The following DOCK2 variants were observed in gnomAD, a reference collection of about 807,000 sequenced individuals.
DOCK2 encodes dedicator of cytokinesis protein 2.
DOCK2 carries 87 observed loss-of-function variants against 248.9 expected under a neutral mutation model. That is an observed-to-expected ratio of 0.35 (90% CI 0.29 to 0.42). The LOEUF (loss-of-function observed/expected upper bound fraction) is 0.42, where lower values mean the gene tolerates loss of function less well. Among genes scored for constraint, DOCK2 ranks in the 10% least tolerant of loss-of-function variants. DOCK2 has a pLI of 1.00. For missense variants in DOCK2, 1,747 were observed against 2,300.2 expected, an observed-to-expected ratio of 0.76 and a Z score of 4.92; for synonymous variants, 805 against 821.6, an observed-to-expected ratio of 0.98 and a Z score of 0.35.
intron 27 of DOCK2, among the ~76,000 whole-genome samples, chr5:169,904,237 A>T (rs1211782932): frequency 6.6e-6 from 1 of 152,192 alleles, no homozygotes; most frequent in Non-Finnish European, 1.5e-5. Context: ...CCCAAGAGAC[A>T]GTACTGCTTG....
intron 27 of DOCK2, chr5:169,884,056 A>T (rs1028677420): frequency 8.8e-6 from 5 of 569,006 alleles, no homozygotes; most frequent in African/African-American, 7.4e-5. Context: ...CCTGTTGGCC[A>T]TTCCCAGCCT....
chr5:169,881,287 G>T lies in DOCK2; in HGVS notation c.2799+40435G>T. 4 of 1,168,878 alleles carry T rather than the reference G, an allele frequency of 3.4e-6. No individual in the cohort carries two copies. The South Asian group carries it at 4.1e-5, about 12-fold the overall frequency. The allele number at this position is 1,168,878 out of a possible 1,614,324, so 72.4% of individuals were successfully genotyped here. On this transcript the variant is annotated intron_variant, in intron 27 of 51. Transcript: ENST00000520908. ...TTGTTTTTGCCTCTCTTGACTTTTTGCATTTAAAAGTTTGCTAGAGTGTTC... is the reference window on the plus strand; with the variant it reads ...TTGTTTTTGCCTCTCTTGACTTTTTTCATTTAAAAGTTTGCTAGAGTGTTC...
chr5:169,741,254 G>A (rs1453680255), intron 22 of DOCK2, among the ~76,000 whole-genome samples: 3 of 152,162 alleles, frequency 2.0e-5, no homozygotes, highest in Admixed American at 6.5e-5. Flanking sequence ...TTACAGGGAA[G>A]GGATGAATTA....
chr5:169,832,722 G>T (rs956407196), intron 26 of DOCK2, among the ~76,000 whole-genome samples: 1 of 152,166 alleles, frequency 6.6e-6, no homozygotes, highest in Admixed American at 6.5e-5. Flanking sequence ...TTCTTTCTAG[G>T]TGTTTGTGGT....
At chr5:169,892,652 G>T (rs761316950) in intron 27 of DOCK2, among the ~76,000 whole-genome samples, 1 of 152,058 alleles carries the variant, frequency 6.6e-6, no homozygotes, top group Non-Finnish European at 1.5e-5. Flanking sequence ...AGACACCCAG[G>T]GAGATATGAC....
rs1191132392 is a variant in DOCK2, at chr5:169,752,581, A to AT, written c.2376+5079dup. On this transcript the variant is annotated intron_variant, in intron 23 of 51. Coordinates refer to ENST00000520908, the MANE Select transcript of DOCK2 (RefSeq NM_004946.3). The stretch of plus-strand genomic sequence containing the variant: ...TAGTGAGACCCTGTCTCGACAAAAA[A>AT]TTAAAAAAAAAAAAATTAGCTAGGC... 3.0e-5 allele frequency among the ~76,000 whole-genome samples: 4 copies of AT among 133,862 alleles called. No individual in the cohort carries two copies. The Admixed American group carries it at 3.1e-4, about 10-fold the overall frequency. 87.8% of individuals were successfully genotyped at this position (133,862 alleles called of 152,430 possible). A position where few individuals can be genotyped will look rare whatever the true frequency, so the allele number is the denominator to read the frequency against.
chr5:170,033,726 AG>A (rs1330889450), intron 34 of DOCK2, among the ~76,000 whole-genome samples: 2 of 152,228 alleles, frequency 1.3e-5, no homozygotes, highest in Non-Finnish European at 2.9e-5. Flanking sequence ...CATTTGCATG[AG>A]GTTTAGAATA....
rs6869584 is a variant in DOCK2 at position 169,764,822 on chromosome 5, C to T, written c.2554+3197C>T. On this transcript the variant is annotated intron_variant, in intron 25 of 51. Coordinates refer to ENST00000520908, the MANE Select transcript of DOCK2 (RefSeq NM_004946.3). This position sits in a 1 kb window ranked among gnomAD's most constrained non-coding sequence, Gnocchi z 4.3. ...AAAAGGGCCTTGGTTGGTACATGCT[C>T]TCCATTCTGACTTTGAACGTGTTTG... Among the ~76,000 whole-genome samples, 3,466 of 151,152 alleles carry T rather than the reference C, an allele frequency of 0.023. 150 individuals are homozygous for T. The highest frequency in any genetic ancestry group is 0.081 in the African/African-American group (3,317 of 40,724).
At chr5:169,955,373 A>G (rs533807887) in intron 27 of DOCK2, among the ~76,000 whole-genome samples, 2 of 152,232 alleles carry the variant, frequency 1.3e-5, no homozygotes, top group East Asian at 1.9e-4. Flanking sequence ...GGCATATTCA[A>G]TAAGTGTTAA....
At chr5:169,867,173 G>A (rs1310649827) in intron 27 of DOCK2, among the ~76,000 whole-genome samples, 1 of 152,244 alleles carries the variant, frequency 6.6e-6, no homozygotes, top group African/African-American at 2.4e-5. Context: ...TTCAGCCCCT[G>A]TGTAGCACTC....
At chr5:170,067,058 C>T (rs556359908) in intron 44 of DOCK2, among the ~76,000 whole-genome samples, 2 of 152,172 alleles carry the variant, frequency 1.3e-5, no homozygotes, top group Non-Finnish European at 2.9e-5. Context: ...TAAAGTGAAT[C>T]TACCTTGGAA....
chr5:169,758,205 G>A (rs537265379), intron 23 of DOCK2, among the ~76,000 whole-genome samples: 1 of 152,322 alleles, frequency 6.6e-6, no homozygotes, highest in African/African-American at 2.4e-5. Flanking sequence ...CTATGAGAAG[G>A]CAGGATGCCA....
rs1764594365 is a variant in DOCK2 at position 169,763,399 on chromosome 5, G to C, written c.2554+1774G>C. Among the ~76,000 whole-genome samples the C allele has an allele frequency of 6.6e-6, 1 of 152,246 alleles. No homozygotes were observed. The highest frequency in any genetic ancestry group is 2.1e-4 in the South Asian group (1 of 4,834). On this transcript the variant is annotated intron_variant, in intron 25 of 51. Transcript: ENST00000520908. This position sits in a 1 kb window ranked among gnomAD's most constrained non-coding sequence, Gnocchi z 4.1. ...ACGACTCTAGCTACGCATATGGTGT[G>C]GCACAGGCAGCAGGGAGTGGGCTGC...
intron 27 of DOCK2, among the ~76,000 whole-genome samples, chr5:169,895,411 G>A (rs974158681): frequency 2.0e-5 from 3 of 152,082 alleles, no homozygotes; most frequent in African/African-American, 7.2e-5. Flanking sequence ...ACTGAGCTGG[G>A]TGGAGAACTT....
At chr5:169,967,847 C>T (rs1391414071) in intron 27 of DOCK2, among the ~76,000 whole-genome samples, 1 of 152,100 alleles carries the variant, frequency 6.6e-6, no homozygotes, top group Non-Finnish European at 1.5e-5. Flanking sequence ...ATTTCTAAAT[C>T]CCCATGGCTT....
chr5:169,670,494 A>G (rs1196115141), intron 3 of DOCK2, 48 bp from the exon 4 acceptor site: 2 of 1,590,186 alleles, frequency 1.3e-6, no homozygotes, highest in African/African-American at 2.8e-5. Context: ...TTCTGTGGTG[A>G]TATATCTTTT....
chr5:170,048,915 T>G (rs560483733), intron 40 of DOCK2, among the ~76,000 whole-genome samples: 2 of 152,274 alleles, frequency 1.3e-5, no homozygotes, highest in East Asian at 3.9e-4. Flanking sequence ...CTCACTTGAT[T>G]TAGTCTAGTC....
rs1192139056 is a variant in DOCK2 at position 170,065,428 on chromosome 5, G to A, written c.4468-2082G>A. Among the ~76,000 whole-genome samples the A allele has an allele frequency of 3.3e-5, 5 of 152,052 alleles. No individual in the cohort carries two copies. The South Asian group carries it at 1.0e-3, about 32-fold the overall frequency. On this transcript the variant is annotated intron_variant, in intron 44 of 51. Coordinates refer to ENST00000520908, the MANE Select transcript of DOCK2 (RefSeq NM_004946.3). Reference sequence around the variant, plus strand: ...ATCAGTAATGACTTTGAATGTAAATGGATTAAATTCAACAATCAAAAGGAA... The same window carrying A: ...ATCAGTAATGACTTTGAATGTAAATAGATTAAATTCAACAATCAAAAGGAA...
At position 170,081,868 on chromosome 5, in the gene DOCK2, C is replaced by A; in HGVS notation, c.5314C>A (p.Pro1772Thr). 6.2e-7 allele frequency: 1 copy of A among 1,613,676 alleles called. No individual in the cohort carries two copies. Among genetic ancestry groups the A allele is most frequent in the East Asian group, 2.2e-5 (1 of 44,860 alleles). ...CCTGGCGCTCTCAGTGGCAGGCATCCCTGGGTTGGATGAGGCCAACACATC... is the reference window on the plus strand; with the variant it reads ...CCTGGCGCTCTCAGTGGCAGGCATCACTGGGTTGGATGAGGCCAACACATC... ...PALALSVAGIPGLDEANTSPR... is the reference protein window; with the variant it reads ...PALALSVAGITGLDEANTSPR... Residue 1772 changes from proline (P) to threonine (T), a missense_variant, in exon 51 of 52, where the codon CCT (proline) becomes ACT (threonine). Around this residue, in one of 4 missense-constraint regions of DOCK2, gnomAD observed 513 missense variants for 586.1 expected, o/e 0.88. Coordinates refer to ENST00000520908, the MANE Select transcript of DOCK2 (RefSeq NM_004946.3).
Sources: allele counts gnomAD v4.1 joint callset (sites outside exome capture counted in the v4.1 genomes callset), GRCh38; gene constraint gnomAD v4.1.1; regional missense constraint gnomAD v4.1.1; non-coding constraint Gnocchi (gnomAD v3.1); transcripts MANE v1.5; gene names NCBI Gene and HGNC (gene_info 2026-07-23, HGNC 2026-07-21).